Variants in PABPC1L observed in about 807,000 individuals in gnomAD.
The protein encoded by PABPC1L is poly(A) binding protein cytoplasmic 1 like, also known as polyadenylate-binding protein 1-like.
A neutral mutation model predicts 66.6 loss-of-function variants in PABPC1L; 31 were observed. The observed-to-expected ratio is 0.47, with a 90% CI of 0.35 to 0.63. The LOEUF is 0.63. Among genes scored for constraint, PABPC1L ranks in the 20% least tolerant of loss-of-function variants. The pLI is 0.00. For missense variants in PABPC1L, 722 were observed against 848.8 expected (o/e 0.85, Z 1.86); for synonymous variants, 348 against 335.1 (o/e 1.04, Z -0.42).
chr20:44,916,144 A>C (rs1032024159), intron 2 of PABPC1L, among the ~76,000 whole-genome samples: 1 of 152,232 alleles, frequency 6.6e-6, no homozygotes, highest in African/African-American at 2.4e-5. Context: ...GATAGAAACA[A>C]GGATGCAGAT....
At chr20:44,936,849 AC>A in intron 12 of PABPC1L, 119 bp downstream of exon 12, 2 of 1,058,902 alleles carry the variant, frequency 1.9e-6, no homozygotes, top group Non-Finnish European at 2.9e-6. Context: ...TTTGTCACCG[AC>A]CCCCCTACTG....
chr20:44,920,894 C>T (rs776276521), intron 5 of PABPC1L, among the ~76,000 whole-genome samples: 1 of 151,986 alleles, frequency 6.6e-6, no homozygotes, highest in Non-Finnish European at 1.5e-5. Flanking sequence ...CTCACTGCAA[C>T]CTCCACCTCC....
At chr20:44,921,519 T>A in intron 5 of PABPC1L, 75 bp from the exon 6 acceptor site, 1 of 1,573,294 alleles carries the variant, frequency 6.4e-7, no homozygotes, top group Middle Eastern at 1.7e-4. Context: ...GTGGCCCCTC[T>A]AGATCCAGAA....
At chr20:44,936,756 G>C (rs763444111) in intron 12 of PABPC1L, 26 bp downstream of exon 12, 20 of 1,587,804 alleles carry the variant, frequency 1.3e-5, no homozygotes, top group Non-Finnish European at 1.7e-5. Flanking sequence ...TCCTACTGTG[G>C]AGCAAGAAGA....
intron 7 of PABPC1L, among the ~76,000 whole-genome samples, chr20:44,926,747 A>G (rs1349233230): frequency 2.0e-5 from 3 of 151,616 alleles, no homozygotes; most frequent in African/African-American, 7.3e-5. Context: ...AGGTTTCACC[A>G]TGTTAGCCAG....
chr20:44,936,977 GTT>G (rs1481193691), intron 12 of PABPC1L: 1 of 615,578 alleles, frequency 1.6e-6, no homozygotes, highest in Non-Finnish European at 3.1e-6. Context: ...TGACTTTGAG[GTT>G]GGGAGACAGT....
rs1160482387 is a variant in PABPC1L at position 44,933,139 on chromosome 20, G to T, written c.1413G>T (p.Gln471His). ...CGGCCCACATCAGCAGTGTCAGGCA[G>T]GCCTCCACCCAGGTGCCACGCACGG... ...RPPAHISSVR[Q>H]ASTQVPRTVP... The change falls in exon 10 of 15, where the codon CAG becomes CAT. Residue 471 changes from glutamine to histidine, a missense_variant. Physicochemically the swap from Gln to His is conservative, Grantham distance 24. Coordinates refer to ENST00000217073, the MANE Select transcript of PABPC1L (RefSeq NM_001372179.1). The T allele has an allele frequency of 1.2e-6, 2 of 1,610,092 alleles. No individual in the cohort carries two copies. Among genetic ancestry groups the T allele is most frequent in the African/African-American group, 1.3e-5 (1 of 74,918 alleles).
rs2145578815 is a variant in PABPC1L, at chr20:44,932,386, C to T, written c.1284C>T (p.Pro428=). The T allele has an allele frequency of 6.2e-7, 1 of 1,613,876 alleles. No individual in the cohort carries two copies. Among genetic ancestry groups the T allele is most frequent in the East Asian group, 2.2e-5 (1 of 44,880 alleles). The change falls in exon 9 of 15, where the codon CCC becomes CCT. Residue 428 remains proline, a synonymous_variant. Coordinates refer to ENST00000217073, the MANE Select transcript of PABPC1L (RefSeq NM_001372179.1). ...ACTATGGCTGTGGCCCAGTGACACC[C>T]ACCCAGCCTGCCCCCAGGTGGACAT... The part of the protein sequence containing the change: ...AAYYGCGPVT[P]TQPAPRWTSQ...
At chr20:44,922,355 A>G (rs1366005400) in intron 6 of PABPC1L, among the ~76,000 whole-genome samples, 1 of 152,170 alleles carries the variant, frequency 6.6e-6, no homozygotes, top group Non-Finnish European at 1.5e-5. Context: ...AGAAAGTCTC[A>G]GCCTCCCAAG....
At chr20:44,921,390 C>T (rs1314367558) in intron 5 of PABPC1L, among the ~76,000 whole-genome samples, 8 of 152,138 alleles carry the variant, frequency 5.3e-5, no homozygotes, top group African/African-American at 7.2e-5. Context: ...TCAGATGATC[C>T]GTCCCCCTCG....
chr20:44,930,205 C>T (rs987553817), intron 7 of PABPC1L, among the ~76,000 whole-genome samples: 7 of 152,108 alleles, frequency 4.6e-5, no homozygotes, highest in African/African-American at 1.7e-4. Flanking sequence ...ACAGGGTGCA[C>T]GCTACATCCC....
Position 44,930,771 on chromosome 20 carries a change from C to G in PABPC1L, c.1239+45C>G, listed in dbSNP as rs372575100. On this transcript the variant is annotated intron_variant, in intron 8 of 14. Coordinates refer to ENST00000217073, the MANE Select transcript of PABPC1L (RefSeq NM_001372179.1). ...TCCCACCGCAGCCTTCCCCCCTGCC[C>G]CAGCAAGGCAGAGCATGAAGACTAG... 7.6e-5 allele frequency: 121 copies of G among 1,590,382 alleles called. No homozygotes were observed. The African/African-American group carries it at 1.4e-3, about 18-fold the overall frequency.
chr20:44,924,369 G>GACCA, intron 7 of PABPC1L, 113 bp downstream of exon 7: 1 of 788,488 alleles, frequency 1.3e-6, no homozygotes, highest in Non-Finnish European at 2.1e-6. Flanking sequence ...GGGGGTTGGT[G>GACCA]CCGGCTACCC....
rs554734835 is a variant in PABPC1L at position 44,910,152 on chromosome 20, C to G, written c.9C>G (p.Ala3=). MN[A]SGSGYPLASL... Reference sequence around the variant, plus strand: ...CCGGCCCCCTGCCCACCATGAACGCCAGCGGTTCTGGCTACCCGCTTGCCT... The same window carrying G: ...CCGGCCCCCTGCCCACCATGAACGCGAGCGGTTCTGGCTACCCGCTTGCCT... The change falls in exon 1 of 15, where the codon GCC becomes GCG. Residue 3 remains alanine, a synonymous_variant. Coordinates refer to ENST00000217073, the MANE Select transcript of PABPC1L (RefSeq NM_001372179.1). The G allele has an allele frequency of 8.4e-4, 1,322 of 1,565,164 alleles. 1 individual carries two copies. The highest frequency in any genetic ancestry group is 1.2e-3 in the South Asian group (100 of 85,282).
rs2066792655 is a variant in PABPC1L at position 44,924,169 on chromosome 20, C to T, written c.885C>T (p.Asn295=). 1.2e-6 allele frequency: 2 copies of T among 1,613,396 alleles called. No homozygotes were observed. The highest frequency in any genetic ancestry group is 1.7e-6 in the Non-Finnish European group (2 of 1,179,394). The change falls in exon 7 of 15, where the codon AAC becomes AAT. Residue 295 remains asparagine (N), a synonymous_variant. Coordinates refer to ENST00000217073, the MANE Select transcript of PABPC1L (RefSeq NM_001372179.1). ...QDRLRRYQGV[N]LYVKNLDDSI... is the part of the protein sequence containing the mutation. ...TTTCCCTTCCATCCCAGGGTGTGAA[C>T]TTGTATGTGAAGAATCTGGACGACT...
rs746706987 is a variant in PABPC1L at position 44,935,423 on chromosome 20, G to A, written c.1492G>A (p.Gly498Arg). The A allele has an allele frequency of 1.2e-6, 2 of 1,614,080 alleles. No individual in the cohort carries two copies. The highest frequency in any genetic ancestry group is 2.2e-5 in the East Asian group (1 of 44,894). The change falls in exon 11 of 15, where the codon GGG (glycine) becomes AGG (arginine). Residue 498 changes from glycine (G) to arginine (R), a missense_variant. Coordinates refer to ENST00000217073, the MANE Select transcript of PABPC1L (RefSeq NM_001372179.1). ...TGGTACTCAGACCACAGGACCCAGT[G>A]GGGTAGGATGCTGTACACCAGGCCG... The part of the protein sequence containing the change: ...NIGTQTTGPS[G>R]VGCCTPGRPL...
chr20:44,938,952 C>T (rs545115191), intron 14 of PABPC1L, among the ~76,000 whole-genome samples, 174 bp from the exon 15 acceptor site: 3 of 152,340 alleles, frequency 2.0e-5, no homozygotes, highest in South Asian at 2.1e-4. Flanking sequence ...AGGAGGTGCC[C>T]TCTTGCCAGC....
chr20:44,936,761 A>G (rs1201475207), intron 12 of PABPC1L, 31 bp downstream of exon 12: 2 of 1,583,644 alleles, frequency 1.3e-6, no homozygotes, highest in African/African-American at 2.7e-5. Context: ...CTGTGGAGCA[A>G]GAAGAGGAGG....
chr20:44,928,955 C>T (rs1998034), intron 7 of PABPC1L, among the ~76,000 whole-genome samples: 33,803 of 150,928 alleles, frequency 0.22, 4,489 homozygotes, highest in East Asian at 0.3. Context: ...TGAGCCAGGC[C>T]GGTGTCTTCA....
Sources: allele counts gnomAD v4.1 joint callset (sites outside exome capture counted in the v4.1 genomes callset), GRCh38; gene constraint gnomAD v4.1.1; transcripts MANE v1.5; gene names NCBI Gene and HGNC (gene_info 2026-07-23, HGNC 2026-07-21).